The following AKAP6 variants were observed in gnomAD, a reference collection of about 807,000 sequenced individuals.
The protein encoded by AKAP6 is A-kinase anchor protein 6.
AKAP6 carries 58 observed loss-of-function variants against 188.5 expected under a neutral mutation model. The ratio of observed to expected loss-of-function variants is 0.31; its 90% CI spans 0.25 to 0.38. The LOEUF is 0.38. Among genes scored for constraint, AKAP6 ranks in the 10% least tolerant of loss-of-function variants. AKAP6 has a pLI of 1.00. For synonymous variants in AKAP6, 989 were observed against 998.6 expected (o/e 0.99, Z 0.18); for missense variants, 2,710 against 2,740.0 (o/e 0.99, Z 0.24).
At chr14:32,789,973 G>A (rs1378462892) in intron 12 of AKAP6, among the ~76,000 whole-genome samples, 1 of 152,142 alleles carries the variant, frequency 6.6e-6, no homozygotes, top group Non-Finnish European at 1.5e-5. Context: ...TAAGAATCAC[G>A]ACAAAACAGT....
intron 2 of AKAP6, among the ~76,000 whole-genome samples, chr14:32,486,591 G>T (rs144434670): frequency 0.012 from 1,884 of 152,254 alleles, 23 homozygotes; most frequent in Non-Finnish European, 0.017. Flanking sequence ...GTGAATGGGA[G>T]TTCACTCATG....
intron 1 of AKAP6, among the ~76,000 whole-genome samples, chr14:32,365,785 C>G (rs1887813344): frequency 6.6e-6 from 1 of 152,178 alleles, no homozygotes; most frequent in African/African-American, 2.4e-5. Flanking sequence ...GACCATGCCC[C>G]CTACTTCACT....
At chr14:32,660,929 C>A (rs1012176920) in intron 7 of AKAP6, among the ~76,000 whole-genome samples, 1 of 93,026 alleles carries the variant, frequency 1.1e-5, no homozygotes, top group South Asian at 7.0e-4. Context: ...CCGCCACCCC[C>A]CCCCCTCCCA....
At position 32,693,862 on chromosome 14, in the gene AKAP6, AG is replaced by A. The variant is rs1211909434; in HGVS notation, c.2880-2126del. 2.0e-5 allele frequency: 3 copies of A among 152,246 alleles called. No individual in the cohort carries two copies. In the South Asian group the frequency reaches 6.2e-4, roughly 32 times the overall value. 9.4% of individuals were successfully genotyped at this position (152,246 alleles called of 1,614,324 possible). A position where few individuals can be genotyped will look rare whatever the true frequency, so the allele number is the denominator to read the frequency against. ...GAGAGAGAAATAGGGACTGTAATTC[AG>A]GAAGTATTTCTAAATGGTTATACCT... On this transcript the variant is annotated intron_variant, in intron 8 of 13. Coordinates refer to ENST00000280979, the MANE Select transcript of AKAP6 (RefSeq NM_004274.5).
At chr14:32,423,856 C>T (rs576284098) in intron 1 of AKAP6, among the ~76,000 whole-genome samples, 8 of 152,026 alleles carry the variant, frequency 5.3e-5, no homozygotes, top group Non-Finnish European at 1.0e-4. Context: ...AAAATTTTTC[C>T]ACTTCAAATC....
chr14:32,562,889 G>A (rs1318477767), intron 4 of AKAP6, among the ~76,000 whole-genome samples: 1 of 152,136 alleles, frequency 6.6e-6, no homozygotes, highest in Non-Finnish European at 1.5e-5. Flanking sequence ...TACATCTAAA[G>A]TTTTATATTG....
chr14:32,355,338 C>A (rs1887444851), intron 1 of AKAP6, among the ~76,000 whole-genome samples: 1 of 152,160 alleles, frequency 6.6e-6, no homozygotes, highest in African/African-American at 2.4e-5. Flanking sequence ...TCTTACCTCT[C>A]TACCTCATTA....
At chr14:32,369,913 C>T (rs899679603) in intron 1 of AKAP6, among the ~76,000 whole-genome samples, 2 of 152,128 alleles carry the variant, frequency 1.3e-5, no homozygotes, top group African/African-American at 4.8e-5. Flanking sequence ...AGCCTGTAAT[C>T]CCAGCTACTC....
intron 1 of AKAP6, among the ~76,000 whole-genome samples, chr14:32,354,488 C>A (rs1226164790): frequency 6.6e-6 from 1 of 152,138 alleles, no homozygotes; most frequent in Non-Finnish European, 1.5e-5. Context: ...GTGTCTGGCA[C>A]AATAAGTGCC....
At chr14:32,646,963 C>G (rs567568497) in intron 7 of AKAP6, among the ~76,000 whole-genome samples, 18 of 152,070 alleles carry the variant, frequency 1.2e-4, no homozygotes, top group Non-Finnish European at 1.9e-4. Context: ...TTGCTAGTTT[C>G]TTAAAGTTCA....
At chr14:32,368,894 AAC>A in intron 1 of AKAP6, among the ~76,000 whole-genome samples, 1 of 151,986 alleles carries the variant, frequency 6.6e-6, no homozygotes, top group African/African-American at 2.4e-5. Flanking sequence ...AAAAAACAAA[AAC>A]ATGCTGAATA....
chr14:32,350,987 C>T (rs1281561117), intron 1 of AKAP6, among the ~76,000 whole-genome samples: 1 of 149,980 alleles, frequency 6.7e-6, no homozygotes, highest in Non-Finnish European at 1.5e-5. Flanking sequence ...ATCTGGAACC[C>T]TGCTTTTCAT....
chr14:32,787,651 A>G (rs544462767), intron 12 of AKAP6, among the ~76,000 whole-genome samples: 1 of 152,300 alleles, frequency 6.6e-6, no homozygotes, highest in South Asian at 2.1e-4. Flanking sequence ...TACATAATCA[A>G]GTAATTATGT....
chr14:32,392,762 G>A (rs536001541), intron 1 of AKAP6, among the ~76,000 whole-genome samples: 58 of 151,902 alleles, frequency 3.8e-4, no homozygotes, highest in Non-Finnish European at 6.5e-4. Flanking sequence ...TGGCCAAATT[G>A]AAAACAAATT....
intron 5 of AKAP6, among the ~76,000 whole-genome samples, chr14:32,579,837 C>T (rs1444308024): frequency 1.3e-5 from 2 of 152,004 alleles, no homozygotes; most frequent in African/African-American, 2.4e-5. Flanking sequence ...CTTTAGTTAA[C>T]CGTGCATAAG....
intron 2 of AKAP6, among the ~76,000 whole-genome samples, chr14:32,449,123 T>C (rs186840694): frequency 6.6e-6 from 1 of 152,304 alleles, no homozygotes; most frequent in East Asian, 1.9e-4. Context: ...GAATTTCCTT[T>C]ACCCTCTACA....
chr14:32,504,924 A>C (rs188904491), intron 2 of AKAP6, among the ~76,000 whole-genome samples: 44 of 152,352 alleles, frequency 2.9e-4, no homozygotes, highest in Admixed American at 1.5e-3. Flanking sequence ...GTCTTCTGAA[A>C]TCAGACAGGA....
intron 9 of AKAP6, among the ~76,000 whole-genome samples, chr14:32,712,596 A>G (rs1022820624): frequency 3.3e-5 from 5 of 152,096 alleles, no homozygotes; most frequent in Non-Finnish European, 7.4e-5. Context: ...TGTCATTTCA[A>G]CAGTGTTCAC....
chr14:32,350,632 A>G (rs1377463206), intron 1 of AKAP6, among the ~76,000 whole-genome samples: 1 of 152,188 alleles, frequency 6.6e-6, no homozygotes, highest in Non-Finnish European at 1.5e-5. Context: ...CTTTTTACAT[A>G]TGTACCTTGA....
Sources: gnomAD v4.1 joint callset for allele counts (sites outside exome capture counted in the v4.1 genomes callset) on GRCh38, gnomAD v4.1.1 for gene constraint, MANE v1.5 for transcripts, NCBI Gene and HGNC (gene_info 2026-07-23, HGNC 2026-07-21) for gene names.